The following CNMD variants were observed in gnomAD, a reference collection of about 807,000 sequenced individuals.
CNMD encodes chondromodulin.
CNMD carries 30 observed loss-of-function variants against 37.5 expected under a neutral mutation model. The observed-to-expected ratio is 0.80, with a 90% CI of 0.60 to 1.09. The LOEUF is 1.09. Ranked by LOEUF, CNMD falls within the 50% of genes least tolerant of loss-of-function variation. The pLI is 0.00. For synonymous variants in CNMD, 167 were observed against 148.2 expected, an observed-to-expected ratio of 1.13 and a Z score of -0.92; for missense variants, 398 against 423.9, an observed-to-expected ratio of 0.94 and a Z score of 0.54.
intron 4 of CNMD, among the ~76,000 whole-genome samples, chr13:52,722,520 T>C (rs1463823535): frequency 1.3e-5 from 2 of 152,166 alleles, no homozygotes; most frequent in Non-Finnish European, 2.9e-5. Context: ...GGGCACTGTA[T>C]GCATACCCCC....
At chr13:52,725,107 A>C (rs1375926979) in intron 3 of CNMD, among the ~76,000 whole-genome samples, 1 of 152,182 alleles carries the variant, frequency 6.6e-6, no homozygotes, top group African/African-American at 2.4e-5. Flanking sequence ...CACCTTCTCC[A>C]TGCAGCCTTC....
chr13:52,720,481 G>C (rs1964463975), intron 4 of CNMD, among the ~76,000 whole-genome samples: 1 of 151,996 alleles, frequency 6.6e-6, no homozygotes, highest in Non-Finnish European at 1.5e-5. Flanking sequence ...CTTTGGATGG[G>C]GTTCTGTATG....
intron 4 of CNMD, among the ~76,000 whole-genome samples, chr13:52,723,292 C>T (rs1594284593): frequency 6.6e-6 from 1 of 152,022 alleles, no homozygotes; most frequent in Admixed American, 6.6e-5. Flanking sequence ...AGGGTTTTGC[C>T]GTGTTGTCCA....
At chr13:52,733,968 G>C (rs191263929) in intron 2 of CNMD, among the ~76,000 whole-genome samples, 1 of 152,322 alleles carries the variant, frequency 6.6e-6, no homozygotes, top group East Asian at 1.9e-4. Context: ...TTGATATAGA[G>C]CAGCATGTGT....
intron 6 of CNMD, among the ~76,000 whole-genome samples, chr13:52,707,092 C>T (rs2138216997): frequency 6.6e-6 from 1 of 152,096 alleles, no homozygotes. Context: ...CGGGGTTTTA[C>T]CATGTTGGCC....
At chr13:52,707,863 C>A (rs11618431) in intron 6 of CNMD, among the ~76,000 whole-genome samples, 1 of 151,942 alleles carries the variant, frequency 6.6e-6, no homozygotes, top group African/African-American at 2.4e-5. Context: ...CCAACAACAT[C>A]TTGGGAGGCC....
intron 6 of CNMD, among the ~76,000 whole-genome samples, chr13:52,708,327 G>A (rs1159597923): frequency 2.0e-5 from 3 of 151,902 alleles, no homozygotes; most frequent in Non-Finnish European, 2.9e-5. Flanking sequence ...GATTACAGGC[G>A]TGTGCCACCA....
rs1964526461 is a variant in CNMD, at chr13:52,724,015, CTGTT to C, written c.446_449del (p.Lys149ArgfsTer26). Reference sequence around the variant, plus strand: ...TACCCACCAGTTTGGAGGAGATGCTCTGTTTGGTCACGGCGCCCACCTCAGGAAT... The same window carrying C: ...TACCCACCAGTTTGGAGGAGATGCTCTGGTCACGGCGCCCACCTCAGGAAT... On this transcript the variant is annotated frameshift_variant, in exon 4 of 7. Transcript: ENST00000377962. LOFTEE classifies it high-confidence loss of function. 1.9e-6 allele frequency: 3 copies of C among 1,612,764 alleles called. No individual in the cohort carries two copies. The highest frequency in any genetic ancestry group is 1.3e-5 in the African/African-American group (1 of 74,872).
intron 6 of CNMD, among the ~76,000 whole-genome samples, chr13:52,704,602 G>A (rs978811708): frequency 6.6e-6 from 1 of 152,100 alleles, no homozygotes; most frequent in Non-Finnish European, 1.5e-5. Flanking sequence ...ACTTGTAAGG[G>A]TGGAGATTCT....
At chr13:52,730,669 A>T (rs552842988) in intron 3 of CNMD, among the ~76,000 whole-genome samples, 2 of 152,206 alleles carry the variant, frequency 1.3e-5, no homozygotes, top group Admixed American at 1.3e-4. Context: ...TTGATGGGAT[A>T]TTCTTTCAAT....
chr13:52,709,428 A>G (rs1202179107), intron 5 of CNMD, among the ~76,000 whole-genome samples: 1 of 152,210 alleles, frequency 6.6e-6, no homozygotes, highest in Non-Finnish European at 1.5e-5. Context: ...AGTATTTCTA[A>G]TGGATTGACT....
rs765293200 is a variant in CNMD at position 52,703,761 on chromosome 13, C to A, written c.839G>T (p.Gly280Val). ...MTFDPRLDHE[G>V]ICCIECRRSY... ...CCGCCTACATTCTATACAACAGATTCCTTCGTGATCCAGTCTAGGGTCGAA... is the reference window on the plus strand; with the variant it reads ...CCGCCTACATTCTATACAACAGATTACTTCGTGATCCAGTCTAGGGTCGAA... The change falls in exon 7 of 7, where the codon GGA (glycine) becomes GTA (valine). Residue 280 changes from glycine to valine, a missense_variant. Gly to Val is a moderately radical substitution (Grantham distance 109, BLOSUM62 -3). Transcript: ENST00000377962. 6.2e-7 allele frequency: 1 copy of A among 1,614,046 alleles called. No homozygotes were observed. Among genetic ancestry groups the A allele is most frequent in the Non-Finnish European group, 8.5e-7 (1 of 1,179,896 alleles).
chr13:52,711,111 C>T (rs1964283399), intron 5 of CNMD, among the ~76,000 whole-genome samples: 2 of 152,210 alleles, frequency 1.3e-5, no homozygotes, highest in Non-Finnish European at 2.9e-5. Flanking sequence ...GTTCTATTCA[C>T]GGATGCACCT....
chr13:52,723,412 A>G (rs1964515257), intron 4 of CNMD, among the ~76,000 whole-genome samples: 1 of 152,090 alleles, frequency 6.6e-6, no homozygotes, highest in Admixed American at 6.6e-5. Flanking sequence ...AGTCTTAACC[A>G]CAGATCAGAT....
At position 52,708,968 on chromosome 13, in the gene CNMD, TC is replaced by T. The variant is rs377009357; in HGVS notation, c.623-267del. Among the ~76,000 whole-genome samples, 586 of 152,116 alleles carry T rather than the reference TC, an allele frequency of 3.9e-3. 2 individuals are homozygous for T. Among genetic ancestry groups the T allele is most frequent in the African/African-American group, 0.013 (526 of 41,504 alleles). On this transcript the variant is annotated intron_variant, in intron 5 of 6. Coordinates refer to ENST00000377962, the MANE Select transcript of CNMD (RefSeq NM_007015.3). ...TGGCCTGACAAACCTCAAGACCACC[TC>T]CCCCCTTTCTTTTGGTCTGCCTTCA...
chr13:52,739,633 G>A lies in CNMD; in HGVS notation c.69C>T (p.Pro23=), dbSNP rs1964851450. 2 of 1,613,718 alleles carry A rather than the reference G, an allele frequency of 1.2e-6. No homozygotes were observed. The highest frequency in any genetic ancestry group is 1.7e-5 in the Admixed American group (1 of 59,998). The change falls in exon 1 of 7, where the codon CCC becomes CCT. Residue 23 remains proline, a synonymous_variant. Transcript: ENST00000377962. This position sits in a 1 kb window ranked among gnomAD's most constrained non-coding sequence, Gnocchi z 5.4. Reference sequence around the variant, plus strand: ...TGGAATCCCTGGCGGTACTCACCGGGGGGCTGCAGAATTCCACGTCATCAG... The same window carrying A: ...TGGAATCCCTGGCGGTACTCACCGGAGGGCTGCAGAATTCCACGTCATCAG... ...VGPDDVEFCS[P]PAYATLTVKP...
chr13:52,739,471 C>G lies in CNMD; in HGVS notation c.72+159G>C, dbSNP rs1964846766. 5.5e-6 allele frequency: 4 copies of G among 731,602 alleles called. No individual in the cohort carries two copies. In the Admixed American group the frequency reaches 8.9e-5, roughly 16 times the overall value. The allele number at this position is 731,602 out of a possible 1,614,324, so 45.3% of individuals were successfully genotyped here. A position where few individuals can be genotyped will look rare whatever the true frequency, so the allele number is the denominator to read the frequency against. Reference sequence around the variant, plus strand: ...CTGTGGATGCCGTGACCCCTGCACACTCATACGCGTGGGGCGACATCCCAC... The same window carrying G: ...CTGTGGATGCCGTGACCCCTGCACAGTCATACGCGTGGGGCGACATCCCAC... On this transcript the variant is annotated intron_variant, in intron 1 of 6. Coordinates refer to ENST00000377962, the MANE Select transcript of CNMD (RefSeq NM_007015.3). The surrounding 1 kb of genome is among the most constrained non-coding windows in gnomAD (Gnocchi z 5.4).
At chr13:52,707,852 C>T (rs1282232695) in intron 6 of CNMD, among the ~76,000 whole-genome samples, 1 of 151,894 alleles carries the variant, frequency 6.6e-6, no homozygotes, top group African/African-American at 2.4e-5. Context: ...CACCTGTGAT[C>T]CCAACAACAT....
intron 2 of CNMD, among the ~76,000 whole-genome samples, chr13:52,735,752 G>C (rs982673499): frequency 6.6e-6 from 1 of 150,976 alleles, no homozygotes; most frequent in East Asian, 1.9e-4. Flanking sequence ...ATTCAAAACC[G>C]CCCTGGGCCG....
Sources: allele counts gnomAD v4.1 joint callset (sites outside exome capture counted in the v4.1 genomes callset), GRCh38; gene constraint gnomAD v4.1.1; non-coding constraint Gnocchi (gnomAD v3.1); transcripts MANE v1.5; gene names NCBI Gene and HGNC (gene_info 2026-07-23, HGNC 2026-07-21).